The following MYRIP variants were observed in gnomAD, a reference collection of about 807,000 sequenced individuals.
MYRIP encodes the protein myosin VIIA and Rab interacting protein.
Under a neutral mutation model 98.0 loss-of-function variants are expected in MYRIP, and 49 were observed. The observed-to-expected ratio is 0.50, with a 90% CI of 0.40 to 0.63. MYRIP has a LOEUF of 0.63. Among genes scored for constraint, MYRIP ranks in the 30% least tolerant of loss-of-function variants. The pLI is 0.00. For missense variants in MYRIP, 1,004 were observed against 1,058.2 expected, an observed-to-expected ratio of 0.95 and a Z score of 0.71; for synonymous variants, 404 against 409.5, an observed-to-expected ratio of 0.99 and a Z score of 0.16.
intron 3 of MYRIP, among the ~76,000 whole-genome samples, chr3:40,106,224 A>C (rs1949047385): frequency 6.6e-6 from 1 of 152,104 alleles, no homozygotes; most frequent in South Asian, 2.1e-4. Flanking sequence ...TCCCTTCCTC[A>C]GGCCCCCGAG....
intron 12 of MYRIP, 105 bp downstream of exon 12, chr3:40,234,158 A>G: frequency 9.0e-7 from 1 of 1,117,092 alleles, no homozygotes; most frequent in East Asian, 2.8e-5. Context: ...ACATACACAC[A>G]CACACCACTA....
In MYRIP at chr3:39,841,843, G is replaced by A. The variant is rs536216221; in HGVS notation, c.-31+31927G>A. 1.4e-4 allele frequency among the ~76,000 whole-genome samples: 22 copies of A among 152,256 alleles called. No individual in the cohort carries two copies. In the South Asian group the frequency reaches 4.4e-3, roughly 30 times the overall value. On this transcript the variant is annotated intron_variant, in intron 1 of 16. Transcript: ENST00000302541. ...TTCCTCTGGAAGCTTCAACCTAGAG[G>A]GGCACCCCGCAGATGCCAGCTGGAG...
chr3:40,042,746 G>A (rs890285922), intron 2 of MYRIP, among the ~76,000 whole-genome samples: 1 of 152,160 alleles, frequency 6.6e-6, no homozygotes, highest in Non-Finnish European at 1.5e-5. Context: ...GTAAAATTTA[G>A]TATAGACGCT....
chr3:40,031,051 C>T lies in MYRIP; in HGVS notation c.111-12999C>T, dbSNP rs1262584829. On this transcript the variant is annotated intron_variant, in intron 2 of 16. Transcript: ENST00000302541. The stretch of plus-strand genomic sequence containing the variant: ...TAGAGGGTATATCAGTCTATTTGGC[C>T]GCTATAACAAAATATCATAGACTGG... Among the ~76,000 whole-genome samples, 6 of 151,932 alleles carry T rather than the reference C, an allele frequency of 3.9e-5. No homozygotes were observed. In the East Asian group the frequency reaches 5.8e-4, roughly 15 times the overall value.
At chr3:39,917,620 T>G (rs1944193861) in intron 2 of MYRIP, among the ~76,000 whole-genome samples, 1 of 151,884 alleles carries the variant, frequency 6.6e-6, no homozygotes, top group African/African-American at 2.4e-5. Flanking sequence ...TGTAAATGAC[T>G]AAGAGAGATC....
At chr3:40,009,694 G>A (rs1946715256) in intron 2 of MYRIP, among the ~76,000 whole-genome samples, 2 of 152,198 alleles carry the variant, frequency 1.3e-5, no homozygotes, top group African/African-American at 4.8e-5. Context: ...GGGATGCTAT[G>A]TGTTAGATAG....
At chr3:39,893,404 G>T (rs1943532778) in intron 1 of MYRIP, among the ~76,000 whole-genome samples, 1 of 152,066 alleles carries the variant, frequency 6.6e-6, no homozygotes, top group Non-Finnish European at 1.5e-5. Context: ...ATATAAAATG[G>T]AAATTTTTAG....
intron 10 of MYRIP, among the ~76,000 whole-genome samples, chr3:40,198,920 A>G (rs1197562896): frequency 6.6e-6 from 1 of 152,240 alleles, no homozygotes; most frequent in Non-Finnish European, 1.5e-5. Flanking sequence ...GAACAGGAGA[A>G]AATAAAATAA....
At chr3:40,039,936 T>C (rs9823791) in intron 2 of MYRIP, among the ~76,000 whole-genome samples, 1,876 of 152,186 alleles carry the variant, frequency 0.012, 48 homozygotes, top group African/African-American at 0.043. Flanking sequence ...TGGTGGCTGC[T>C]GGCAAACCTT....
chr3:40,024,423 C>A (rs902150816), intron 2 of MYRIP, among the ~76,000 whole-genome samples: 3 of 151,878 alleles, frequency 2.0e-5, no homozygotes, highest in Non-Finnish European at 4.4e-5. Context: ...GTGCAGGAGG[C>A]GGGATGGTGC....
At chr3:40,024,233 G>T (rs1464717476) in intron 2 of MYRIP, among the ~76,000 whole-genome samples, 1 of 152,190 alleles carries the variant, frequency 6.6e-6, no homozygotes, top group Non-Finnish European at 1.5e-5. Flanking sequence ...TTAAATGAAG[G>T]ATCCTGGTCT....
At chr3:40,182,524 C>A in intron 9 of MYRIP, 151 bp downstream of exon 9, 2 of 831,400 alleles carry the variant, frequency 2.4e-6, no homozygotes, top group Non-Finnish European at 3.6e-6. Context: ...AGGCCTCCAG[C>A]ACAACACACA....
chr3:39,970,791 T>C (rs1945562175), intron 2 of MYRIP, among the ~76,000 whole-genome samples: 2 of 152,238 alleles, frequency 1.3e-5, no homozygotes, highest in East Asian at 3.9e-4. Context: ...TGTCTACATG[T>C]GTAATTTCTT....
chr3:40,048,228 T>C (rs998422726), intron 3 of MYRIP, among the ~76,000 whole-genome samples: 3 of 152,198 alleles, frequency 2.0e-5, no homozygotes, highest in Non-Finnish European at 4.4e-5. Flanking sequence ...ATGACCACTT[T>C]TGTGAGGCCA....
At chr3:39,977,091 C>T (rs1475964726) in intron 2 of MYRIP, among the ~76,000 whole-genome samples, 1 of 151,722 alleles carries the variant, frequency 6.6e-6, no homozygotes, top group African/African-American at 2.4e-5. Flanking sequence ...ACTTTATATT[C>T]TAAATTTCCT....
chr3:40,182,131 T>C, intron 8 of MYRIP, 89 bp from the exon 9 acceptor site: 1 of 1,370,514 alleles, frequency 7.3e-7, no homozygotes, highest in Non-Finnish European at 9.8e-7. Flanking sequence ...TTCTCCATGC[T>C]GGACAATGTC....
At chr3:40,116,418 TC>T (rs5848548) in intron 3 of MYRIP, among the ~76,000 whole-genome samples, 79,574 of 151,970 alleles carry the variant, frequency 0.52, 21,123 homozygotes, top group Admixed American at 0.61. Context: ...ATGGAAAACA[TC>T]CCCCTACTGT....
At chr3:40,165,107 T>C (rs1950476265) in intron 5 of MYRIP, among the ~76,000 whole-genome samples, 1 of 152,234 alleles carries the variant, frequency 6.6e-6, no homozygotes, top group African/African-American at 2.4e-5. Flanking sequence ...GGAGATACAG[T>C]GTCTACCACC....
At position 39,836,690 on chromosome 3, in the gene MYRIP, G is replaced by A. The variant is rs1170266542; in HGVS notation, c.-31+26774G>A. ...GGGTCTGAGGCCACTCACAGACTCCGAGGAGAGTCATGTAAAGAATGGCAG... is the reference window on the plus strand; with the variant it reads ...GGGTCTGAGGCCACTCACAGACTCCAAGGAGAGTCATGTAAAGAATGGCAG... On this transcript the variant is annotated intron_variant, in intron 1 of 16. Coordinates refer to ENST00000302541, the MANE Select transcript of MYRIP (RefSeq NM_015460.4). Among the ~76,000 whole-genome samples, 6 of 152,312 alleles carry A rather than the reference G, an allele frequency of 3.9e-5. No individual in the cohort carries two copies. In the East Asian group the frequency reaches 5.8e-4, roughly 15 times the overall value.
Sources: gnomAD v4.1 joint callset for allele counts (sites outside exome capture counted in the v4.1 genomes callset) on GRCh38, gnomAD v4.1.1 for gene constraint, MANE v1.5 for transcripts, NCBI Gene and HGNC (gene_info 2026-07-23, HGNC 2026-07-21) for gene names.